Variants in NBEA observed in about 807,000 individuals in gnomAD.
NBEA encodes lysosomal-trafficking regulator 2.
A neutral mutation model predicts 343.4 loss-of-function variants in NBEA; 44 were observed. The ratio of observed to expected loss-of-function variants is 0.13; its 90% CI spans 0.10 to 0.16. The LOEUF is 0.16. Ranked by LOEUF, NBEA falls within the 10% of genes least tolerant of loss-of-function variation. The pLI, the probability that NBEA is intolerant of heterozygous loss-of-function variation, is 1.00. For synonymous variants in NBEA, 1,175 were observed against 1,238.7 expected (o/e 0.95, Z 1.08); for missense variants, 2,555 against 3,631.3 (o/e 0.70, Z 7.62).
At chr13:35,039,417 T>A (rs2062568248) in intron 1 of NBEA, among the ~76,000 whole-genome samples, 1 of 152,168 alleles carries the variant, frequency 6.6e-6, no homozygotes, top group South Asian at 2.1e-4. Context: ...AGAGGGACGA[T>A]CTGTGGAGTT....
At chr13:35,542,772 G>C (rs2078893261) in intron 41 of NBEA, among the ~76,000 whole-genome samples, 1 of 151,930 alleles carries the variant, frequency 6.6e-6, no homozygotes, top group South Asian at 2.1e-4. Flanking sequence ...AAATAAAATT[G>C]TTATATTACT....
At chr13:35,451,004 G>A (rs1363501368) in intron 39 of NBEA, among the ~76,000 whole-genome samples, 4 of 152,186 alleles carry the variant, frequency 2.6e-5, no homozygotes, top group African/African-American at 7.2e-5. Context: ...AAATTCTTGA[G>A]GGATTCAGAT....
chr13:35,583,607 G>C lies in NBEA; in HGVS notation c.7036-291G>C, dbSNP rs74934449. ...GTAGAAGGAAAATAACGAAACTGTT[G>C]GTGTGGCCTTAACAGTTTAAACTAG... On this transcript the variant is annotated intron_variant, in intron 45 of 58. Coordinates refer to ENST00000379939, the MANE Select transcript of NBEA (RefSeq NM_001385012.1). Among the ~76,000 whole-genome samples, 527 of 152,132 alleles carry C rather than the reference G, an allele frequency of 3.5e-3. 6 individuals carry two copies. The highest frequency in any genetic ancestry group is 0.012 in the African/African-American group (497 of 41,496).
At chr13:35,071,763 C>A (rs2063883641) in intron 10 of NBEA, among the ~76,000 whole-genome samples, 1 of 151,800 alleles carries the variant, frequency 6.6e-6, no homozygotes, top group Non-Finnish European at 1.5e-5. Context: ...AATGCTTTTT[C>A]TCATAATTAT....
intron 10 of NBEA, among the ~76,000 whole-genome samples, chr13:35,096,073 T>C (rs1171967531): frequency 6.6e-6 from 1 of 151,900 alleles, no homozygotes; most frequent in African/African-American, 2.4e-5. Context: ...TTGTGAGCCC[T>C]GCAACAATCC....
chr13:35,380,761 T>A (rs2041971615), intron 38 of NBEA, among the ~76,000 whole-genome samples: 1 of 152,134 alleles, frequency 6.6e-6, no homozygotes, highest in Non-Finnish European at 1.5e-5. Flanking sequence ...TTGTGTAGCT[T>A]TGATTTGTTT....
chr13:35,649,052 G>T (rs570418378), intron 51 of NBEA, among the ~76,000 whole-genome samples: 20 of 152,210 alleles, frequency 1.3e-4, no homozygotes, highest in Middle Eastern at 6.8e-3. Context: ...AGAAGAAAAA[G>T]CATTGGCCCT....
intron 49 of NBEA, among the ~76,000 whole-genome samples, chr13:35,634,611 A>G (rs540814056): frequency 1.3e-5 from 2 of 152,336 alleles, no homozygotes; most frequent in South Asian, 4.1e-4. Flanking sequence ...AGGTATGCAC[A>G]TAAGTCTATC....
At chr13:35,285,905 G>C (rs556214402) in intron 34 of NBEA, among the ~76,000 whole-genome samples, 1 of 151,990 alleles carries the variant, frequency 6.6e-6, no homozygotes, top group Non-Finnish European at 1.5e-5. Flanking sequence ...CACAGCCTAC[G>C]ACATAACATT....
chr13:35,472,449 G>A lies in NBEA; in HGVS notation c.6498G>A (p.Val2166=), dbSNP rs753891210. 1.4e-5 allele frequency: 23 copies of A among 1,613,836 alleles called. No individual in the cohort carries two copies. Among genetic ancestry groups the A allele is most frequent in the Middle Eastern group, 1.6e-4 (1 of 6,080 alleles). Reference sequence around the variant, plus strand: ...CCCAGCTCATCGCTCCCGTGGTGGTGGCCAAGGGGACTCTCTCCATCACCA... The same window carrying A: ...CCCAGCTCATCGCTCCCGTGGTGGTAGCCAAGGGGACTCTCTCCATCACCA... The part of the protein sequence containing the change: ...TPAQLIAPVV[V]AKGTLSITTT... Residue 2166 remains valine, a synonymous_variant, in exon 41 of 59, where the codon GTG becomes GTA. Coordinates refer to ENST00000379939, the MANE Select transcript of NBEA (RefSeq NM_001385012.1).
intron 34 of NBEA, among the ~76,000 whole-genome samples, chr13:35,259,801 T>C (rs987563368): frequency 2.0e-5 from 3 of 152,186 alleles, no homozygotes; most frequent in African/African-American, 7.2e-5. Context: ...TTTTTAGGTA[T>C]GTAAGTTATT....
intron 34 of NBEA, chr13:35,251,495 T>G: frequency 9.1e-7 from 1 of 1,096,894 alleles, no homozygotes; most frequent in East Asian, 8.4e-5. Context: ...AGTGATGACC[T>G]TGTGGAGTGA....
At chr13:35,231,373 T>C (rs1289354183) in intron 33 of NBEA, among the ~76,000 whole-genome samples, 1 of 152,144 alleles carries the variant, frequency 6.6e-6, no homozygotes, top group East Asian at 1.9e-4. Context: ...TATTTTATGG[T>C]TAATTACCTT....
At position 35,058,714 on chromosome 13, in the gene NBEA, T is replaced by C. The variant is rs756746891; in HGVS notation, c.1093-3T>C. On this transcript the variant is annotated splice_region_variant and splice_polypyrimidine_tract_variant and intron_variant, in intron 7 of 58. Transcript: ENST00000379939. ...CATTTTTCTTTATTACTTTTAAAAA[T>C]AGAGCTATGACAAGTGCTTTCTTGG... 1.3e-6 allele frequency: 2 copies of C among 1,568,822 alleles called. No individual in the cohort carries two copies. Among genetic ancestry groups the C allele is most frequent in the Admixed American group, 1.9e-5 (1 of 54,002 alleles).
At chr13:35,043,297 T>C (rs1358849490) in intron 2 of NBEA, among the ~76,000 whole-genome samples, 4 of 151,856 alleles carry the variant, frequency 2.6e-5, no homozygotes, top group African/African-American at 9.7e-5. Context: ...AGATTACTTT[T>C]TGTGACATAC....
intron 43 of NBEA, among the ~76,000 whole-genome samples, chr13:35,553,072 T>C (rs1405856440): frequency 6.6e-6 from 1 of 151,772 alleles, no homozygotes; most frequent in African/African-American, 2.4e-5. Flanking sequence ...TTGTATTGTT[T>C]ATAGAGATGG....
intron 5 of NBEA, 110 bp from the exon 6 acceptor site, chr13:35,050,159 T>C: frequency 1.1e-6 from 1 of 887,086 alleles, no homozygotes; most frequent in Non-Finnish European, 1.6e-6. Flanking sequence ...ATTAAACTGC[T>C]TCTACTGTAC....
intron 1 of NBEA, among the ~76,000 whole-genome samples, chr13:35,034,735 G>A (rs1204259404): frequency 6.6e-6 from 1 of 151,692 alleles, no homozygotes; most frequent in Non-Finnish European, 1.5e-5. Context: ...TTCAGGTTTT[G>A]GATTTCTTCC....
At chr13:35,134,751 G>A (rs1488035481) in intron 17 of NBEA, among the ~76,000 whole-genome samples, 2 of 151,810 alleles carry the variant, frequency 1.3e-5, no homozygotes, top group East Asian at 1.9e-4. Flanking sequence ...ATGAAGAAAC[G>A]AGAAAAATAA....
Sources: gnomAD v4.1 joint callset for allele counts (sites outside exome capture counted in the v4.1 genomes callset) on GRCh38, gnomAD v4.1.1 for gene constraint, MANE v1.5 for transcripts, NCBI Gene and HGNC (gene_info 2026-07-23, HGNC 2026-07-21) for gene names.